Variants in CAST observed in about 807,000 individuals in gnomAD.
CAST encodes calpastatin.
In CAST, 76 loss-of-function variants were observed where a neutral mutation model predicts 119.6. The ratio of observed to expected loss-of-function variants is 0.64; its 90% CI spans 0.53 to 0.77. CAST has a LOEUF of 0.77. Ranked by LOEUF, CAST falls within the 30% of genes least tolerant of loss-of-function variation. The probability of loss-of-function intolerance (pLI) is 0.00; values close to 1 mark genes in which losing one functional copy is unlikely to be tolerated. For synonymous variants in CAST, 319 were observed against 331.6 expected (o/e 0.96, Z 0.41); for missense variants, 953 against 946.5 (o/e 1.01, Z -0.09).
chr5:96,487,321 T>C, the CAST span, among the ~76,000 whole-genome samples: 1 of 152,238 alleles, frequency 6.6e-6, no homozygotes, highest in Non-Finnish European at 1.5e-5. Flanking sequence ...AATGCAGATA[T>C]GTGTATTTTA....
intron 1 of CAST, among the ~76,000 whole-genome samples, chr5:96,636,353 T>G (rs2150202590): frequency 6.6e-6 from 1 of 152,316 alleles, no homozygotes; most frequent in East Asian, 1.9e-4. Context: ...GTATTCACAA[T>G]GGCCTGTCCA....
chr5:96,611,261 C>T (rs1412217614), intron 1 of CAST, among the ~76,000 whole-genome samples: 1 of 152,074 alleles, frequency 6.6e-6, no homozygotes, highest in Non-Finnish European at 1.5e-5. Context: ...AAAATAGACA[C>T]ATAGACCCAT....
the CAST span, among the ~76,000 whole-genome samples, chr5:96,276,157 G>A: frequency 6.6e-6 from 1 of 152,276 alleles, no homozygotes. Context: ...TTCAACGATA[G>A]ATTTGGGAGG....
At position 96,662,384 on chromosome 5, in the gene CAST, C is replaced by G. The variant is rs1748652485; in HGVS notation, c.-39C>G. 3.5e-6 allele frequency: 5 copies of G among 1,417,918 alleles called. No individual in the cohort carries two copies. Among genetic ancestry groups the G allele is most frequent in the Non-Finnish European group, 4.6e-6 (5 of 1,091,146 alleles). The allele number at this position is 1,417,918 out of a possible 1,614,324, so 87.8% of individuals were successfully genotyped here. On this transcript the variant is annotated 5_prime_UTR_variant, in exon 1 of 32. Coordinates refer to ENST00000675179, the MANE Select transcript of CAST (RefSeq NM_001750.7). ...CGCCAGGCCTCCCCGCCACTCTCCG[C>G]GGCGCATTCCGGGAGGCAGCGGCCG...
chr5:96,498,365 G>A, the CAST span, among the ~76,000 whole-genome samples: 1 of 152,172 alleles, frequency 6.6e-6, no homozygotes, highest in Non-Finnish European at 1.5e-5. Context: ...GGTTCCATAT[G>A]AACTTTAAAG....
At chr5:96,343,987 A>G in the CAST span, among the ~76,000 whole-genome samples, 28 of 152,330 alleles carry the variant, frequency 1.8e-4, no homozygotes, top group African/African-American at 6.3e-4. Flanking sequence ...TGTTTAATAC[A>G]TAATTGTTGA....
intron 1 of CAST, among the ~76,000 whole-genome samples, chr5:96,551,649 T>A (rs1257931859): frequency 6.6e-6 from 1 of 152,020 alleles, no homozygotes; most frequent in Middle Eastern, 3.4e-3. Flanking sequence ...TCAAGACCCA[T>A]CTGTGTTCTG....
intron 1 of CAST, among the ~76,000 whole-genome samples, chr5:96,652,489 G>A (rs1305304109): frequency 6.6e-6 from 1 of 152,106 alleles, no homozygotes; most frequent in Non-Finnish European, 1.5e-5. Flanking sequence ...GTAACCCACA[G>A]CACCTAATTA....
chr5:96,528,292 T>G (rs1745630666), upstream of CAST, among the ~76,000 whole-genome samples: 1 of 152,144 alleles, frequency 6.6e-6, no homozygotes, highest in African/African-American at 2.4e-5. Flanking sequence ...AGGGAGACAG[T>G]GTCATCCTGG....
chr5:96,642,741 G>C (rs1026604206), intron 1 of CAST, among the ~76,000 whole-genome samples: 2 of 151,908 alleles, frequency 1.3e-5, no homozygotes, highest in African/African-American at 4.8e-5. Flanking sequence ...AAGAGACAGG[G>C]TTGCACCATG....
At chr5:96,636,935 G>A (rs538713094) in intron 1 of CAST, among the ~76,000 whole-genome samples, 2 of 151,644 alleles carry the variant, frequency 1.3e-5, no homozygotes, top group South Asian at 4.2e-4. Flanking sequence ...GCGGTGTTGG[G>A]GGAGGTGGAG....
chr5:96,762,948 G>C (rs951502308), intron 25 of CAST: 1 of 560,258 alleles, frequency 1.8e-6, no homozygotes, highest in African/African-American at 1.9e-5. Flanking sequence ...AAGGCTGTGG[G>C]ACCAAAGCTT....
intron 1 of CAST, among the ~76,000 whole-genome samples, chr5:96,558,549 A>G (rs921261675): frequency 2.6e-5 from 4 of 152,226 alleles, no homozygotes; most frequent in Admixed American, 1.3e-4. Context: ...CCACAGAAAT[A>G]CAAACTACCA....
chr5:96,316,439 G>A, the CAST span, among the ~76,000 whole-genome samples: 2 of 152,158 alleles, frequency 1.3e-5, no homozygotes, highest in African/African-American at 4.8e-5. Flanking sequence ...AGGTATGTCT[G>A]AGACCTAATC....
chr5:96,025,023 A>G, the CAST span, among the ~76,000 whole-genome samples: 1 of 152,214 alleles, frequency 6.6e-6, no homozygotes, highest in Non-Finnish European at 1.5e-5. Context: ...AAGATTTCTG[A>G]TTGGGCCAAA....
At chr5:96,168,253 T>C in the CAST span, among the ~76,000 whole-genome samples, 2 of 152,262 alleles carry the variant, frequency 1.3e-5, no homozygotes, top group East Asian at 3.9e-4. Context: ...AGCGTAAGCA[T>C]TGTCCTGAGC....
In CAST at chr5:96,584,073, A is replaced by C. The variant is rs543385226; in HGVS notation, c.60+54193A>C. ...ATGATCCCTAGGTCAGTAGTCGCCA[A>C]CCTTTTTGGGACCAGGGACCAGTTT... On this transcript the variant is annotated intron_variant, in intron 1 of 11. Coordinates refer to the CAST transcript ENST00000505143. Among the ~76,000 whole-genome samples, 4 of 152,296 alleles carry C rather than the reference A, an allele frequency of 2.6e-5. No homozygotes were observed. In the East Asian group the frequency reaches 5.8e-4, roughly 22 times the overall value.
the CAST span, among the ~76,000 whole-genome samples, chr5:96,336,433 G>A: frequency 6.6e-6 from 1 of 152,162 alleles, no homozygotes; most frequent in African/African-American, 2.4e-5. Context: ...CTTCTCCAAC[G>A]CAGCCAAAAA....
At chr5:96,539,448 CCATT>C (rs1187038348) in intron 1 of CAST, among the ~76,000 whole-genome samples, 1 of 152,040 alleles carries the variant, frequency 6.6e-6, no homozygotes, top group Admixed American at 6.5e-5. Context: ...ATTAATATAG[CCATT>C]CAAACTTCCT....
Sources: allele counts gnomAD v4.1 joint callset (sites outside exome capture counted in the v4.1 genomes callset), GRCh38; gene constraint gnomAD v4.1.1; transcripts MANE v1.5; gene names NCBI Gene and HGNC (gene_info 2026-07-23, HGNC 2026-07-21).